The following CNTNAP2 variants were observed in gnomAD, a reference collection of about 807,000 sequenced individuals.
The protein encoded by CNTNAP2 is contactin associated protein 2, also known as contactin-associated protein-like 2.
Under a neutral mutation model 155.2 loss-of-function variants are expected in CNTNAP2, and 98 were observed. The ratio of observed to expected loss-of-function variants is 0.63; its 90% CI spans 0.54 to 0.75. The LOEUF is 0.75. Among genes scored for constraint, CNTNAP2 ranks in the 30% least tolerant of loss-of-function variants. The probability of loss-of-function intolerance (pLI) is 0.00; values close to 1 mark genes in which losing one functional copy is unlikely to be tolerated. For synonymous variants in CNTNAP2, 651 were observed against 631.2 expected (o/e 1.03, Z -0.47); for missense variants, 1,727 against 1,688.1 (o/e 1.02, Z -0.40).
intron 21 of CNTNAP2, among the ~76,000 whole-genome samples, chr7:148,329,175 T>A (rs1227612923): frequency 6.6e-6 from 1 of 152,132 alleles, no homozygotes; most frequent in African/African-American, 2.4e-5. Flanking sequence ...GGGGATTCTC[T>A]GGTGTTTCTG....
At position 146,444,249 on chromosome 7, in the gene CNTNAP2, G is replaced by A. The variant is rs891935159; in HGVS notation, c.97+327276G>A. Among the ~76,000 whole-genome samples, 24 of 151,826 alleles carry A rather than the reference G, an allele frequency of 1.6e-4. 2 individuals carry two copies. In the South Asian group the frequency reaches 2.7e-3, roughly 17 times the overall value. ...CACGTTGGCCAGGCTGGTCTCAAAC[G>A]CCTGACCTCAAGTGATCCACCCACC... On this transcript the variant is annotated intron_variant, in intron 1 of 23. Coordinates refer to ENST00000361727, the MANE Select transcript of CNTNAP2 (RefSeq NM_014141.6).
At chr7:148,253,040 A>AGACAGAT (rs1554408032) in intron 20 of CNTNAP2, among the ~76,000 whole-genome samples, 3,144 of 131,006 alleles carry the variant, frequency 0.024, 48 homozygotes, top group Admixed American at 0.029. Flanking sequence ...ATAGATAGAT[A>AGACAGAT]GATAGATAGA....
chr7:146,126,296 C>G, intron 1 of CNTNAP2, among the ~76,000 whole-genome samples: 1 of 152,284 alleles, frequency 6.6e-6, no homozygotes, highest in East Asian at 1.9e-4. Flanking sequence ...ATGTTTCTAT[C>G]TTTTTGTTTA....
chr7:146,918,366 G>A (rs1305910587), intron 3 of CNTNAP2, among the ~76,000 whole-genome samples: 1 of 151,978 alleles, frequency 6.6e-6, no homozygotes, highest in Non-Finnish European at 1.5e-5. Context: ...AGTTCTTATA[G>A]TGCTGGCTTG....
intron 2 of CNTNAP2, among the ~76,000 whole-genome samples, chr7:146,775,252 G>A (rs924570313): frequency 6.6e-6 from 1 of 152,090 alleles, no homozygotes; most frequent in African/African-American, 2.4e-5. Flanking sequence ...GTGTAGCATG[G>A]TGACTATAGT....
At chr7:147,646,581 G>A (rs1288002950) in intron 13 of CNTNAP2, among the ~76,000 whole-genome samples, 1 of 140,640 alleles carries the variant, frequency 7.1e-6, no homozygotes, top group Non-Finnish European at 1.6e-5. Flanking sequence ...TCTCAATTAT[G>A]TACCAATTTT....
chr7:148,001,966 T>C (rs1801906858), intron 15 of CNTNAP2, among the ~76,000 whole-genome samples: 1 of 152,238 alleles, frequency 6.6e-6, no homozygotes, highest in African/African-American at 2.4e-5. Flanking sequence ...ATATCTTCTA[T>C]GTCTGTACAT....
At chr7:147,556,343 T>C (rs1286039408) in intron 11 of CNTNAP2, among the ~76,000 whole-genome samples, 1 of 152,108 alleles carries the variant, frequency 6.6e-6, no homozygotes, top group African/African-American at 2.4e-5. Flanking sequence ...TATTATTTTA[T>C]ATAGTTTTTA....
intron 12 of CNTNAP2, among the ~76,000 whole-genome samples, chr7:147,618,702 CTATTATA>C (rs1801339508): frequency 7.5e-6 from 1 of 132,454 alleles, no homozygotes; most frequent in African/African-American, 3.4e-5. Flanking sequence ...ATAATAACAG[CTATTATA>C]CACACACACA....
At chr7:146,878,265 C>A (rs993786754) in intron 3 of CNTNAP2, among the ~76,000 whole-genome samples, 4 of 151,900 alleles carry the variant, frequency 2.6e-5, no homozygotes, top group Non-Finnish European at 4.4e-5. Flanking sequence ...CCTTGATCTT[C>A]TTCTTCCATT....
chr7:148,169,575 G>A (rs1183641634), intron 17 of CNTNAP2, among the ~76,000 whole-genome samples: 2 of 152,168 alleles, frequency 1.3e-5, no homozygotes, highest in Non-Finnish European at 2.9e-5. Context: ...TCCACTGGTG[G>A]TGCAAGAGCG....
Position 147,395,760 on chromosome 7 carries a change from C to T in CNTNAP2, c.1650C>T (p.Asp550=), listed in dbSNP as rs201429837. 2 of 1,612,324 alleles carry T rather than the reference C, an allele frequency of 1.2e-6. No homozygotes were observed. Among genetic ancestry groups the T allele is most frequent in the Non-Finnish European group, 1.7e-6 (2 of 1,178,708 alleles). The change falls in exon 10 of 24, where the codon GAC becomes GAT. Residue 550 remains aspartate (D), a synonymous_variant. Transcript: ENST00000361727. The part of the protein sequence containing the change: ...KPGSFANVSI[D]MCAIIDRCVP... Reference sequence around the variant, plus strand: ...GAAGTTTCGCGAATGTCAGCATTGACATGTGTGCGATCATAGACAGGTAAA... The same window carrying T: ...GAAGTTTCGCGAATGTCAGCATTGATATGTGTGCGATCATAGACAGGTAAA...
intron 10 of CNTNAP2, among the ~76,000 whole-genome samples, chr7:147,479,232 C>A (rs1311701070): frequency 2.6e-5 from 4 of 152,222 alleles, no homozygotes; most frequent in Admixed American, 6.5e-5. Context: ...TTCCATAAAA[C>A]TTCCATACAC....
chr7:147,271,163 C>A (rs1176908595), intron 8 of CNTNAP2, among the ~76,000 whole-genome samples: 1 of 152,148 alleles, frequency 6.6e-6, no homozygotes, highest in East Asian at 1.9e-4. Context: ...GATAACACCT[C>A]GTTAAATTGA....
At chr7:147,538,907 A>C (rs1017683756) in intron 11 of CNTNAP2, among the ~76,000 whole-genome samples, 5 of 152,106 alleles carry the variant, frequency 3.3e-5, no homozygotes, top group Admixed American at 1.3e-4. Context: ...AGCTCAATGT[A>C]AGAAAAAAAT....
chr7:147,244,883 G>A (rs1272497746), intron 8 of CNTNAP2, among the ~76,000 whole-genome samples: 1 of 152,056 alleles, frequency 6.6e-6, no homozygotes, highest in African/African-American at 2.4e-5. Context: ...TAGATTCTTA[G>A]TACTACTCAT....
chr7:146,209,590 T>G (rs910882081), intron 1 of CNTNAP2, among the ~76,000 whole-genome samples: 1 of 152,214 alleles, frequency 6.6e-6, no homozygotes, highest in African/African-American at 2.4e-5. Context: ...TGCTTATAGA[T>G]GATCTGGCTT....
At chr7:148,216,022 G>A (rs991040002) in intron 18 of CNTNAP2, among the ~76,000 whole-genome samples, 10 of 152,196 alleles carry the variant, frequency 6.6e-5, no homozygotes, top group African/African-American at 1.7e-4. Context: ...TTGCATGGGC[G>A]ATGGAGTGTG....
intron 20 of CNTNAP2, among the ~76,000 whole-genome samples, chr7:148,244,706 G>T (rs988753461): frequency 2.0e-5 from 3 of 151,826 alleles, no homozygotes; most frequent in African/African-American, 7.3e-5. Flanking sequence ...GGGACCACAG[G>T]CATGAGCCAC....
Sources: allele counts gnomAD v4.1 joint callset (sites outside exome capture counted in the v4.1 genomes callset), GRCh38; gene constraint gnomAD v4.1.1; transcripts MANE v1.5; gene names NCBI Gene and HGNC (gene_info 2026-07-23, HGNC 2026-07-21).